NBEA: variants seen among roughly 807,000 people sequenced by gnomAD.
NBEA encodes the protein neurobeachin, also known as lysosomal-trafficking regulator 2.
A neutral mutation model predicts 343.4 loss-of-function variants in NBEA; 44 were observed. That is an observed-to-expected ratio of 0.13 (90% CI 0.10 to 0.16). The LOEUF (loss-of-function observed/expected upper bound fraction) is 0.16, where lower values mean the gene tolerates loss of function less well. NBEA is among the 10% of genes least tolerant of loss of function. NBEA has a pLI of 1.00. For missense variants in NBEA, 2,555 were observed against 3,631.3 expected, an observed-to-expected ratio of 0.70 and a Z score of 7.62; for synonymous variants, 1,175 against 1,238.7, an observed-to-expected ratio of 0.95 and a Z score of 1.08.
chr13:35,421,703 C>G (rs1206597881), intron 38 of NBEA, among the ~76,000 whole-genome samples: 1 of 152,016 alleles, frequency 6.6e-6, no homozygotes, highest in Non-Finnish European at 1.5e-5. Context: ...TTTAGACTAG[C>G]TCTGATGGCA....
At chr13:35,298,580 A>C (rs2036316931) in intron 35 of NBEA, among the ~76,000 whole-genome samples, 1 of 151,988 alleles carries the variant, frequency 6.6e-6, no homozygotes, top group Admixed American at 6.6e-5. Context: ...ATATACTCAT[A>C]GAATATGCTC....
At chr13:35,433,862 T>A (rs1217767828) in intron 39 of NBEA, among the ~76,000 whole-genome samples, 1 of 152,036 alleles carries the variant, frequency 6.6e-6, no homozygotes, top group Non-Finnish European at 1.5e-5. Flanking sequence ...CTTTATAATA[T>A]GATCTTAAAA....
At chr13:35,355,908 C>A (rs992044905) in intron 38 of NBEA, among the ~76,000 whole-genome samples, 3 of 151,750 alleles carry the variant, frequency 2.0e-5, no homozygotes, top group Non-Finnish European at 4.4e-5. Context: ...CACTTTTCAA[C>A]ATCTATTACT....
At chr13:35,336,810 TA>T (rs1248682751) in intron 36 of NBEA, among the ~76,000 whole-genome samples, 1 of 151,958 alleles carries the variant, frequency 6.6e-6, no homozygotes, top group Admixed American at 6.6e-5. Context: ...AAGTGGGAGC[TA>T]AACAATGAAA....
intron 49 of NBEA, among the ~76,000 whole-genome samples, chr13:35,638,136 A>G (rs2083782208): frequency 6.6e-6 from 1 of 152,186 alleles, no homozygotes; most frequent in African/African-American, 2.4e-5. Flanking sequence ...TTTGTTTAAT[A>G]AATATAGCGT....
chr13:35,614,510 G>A (rs1566411244), intron 48 of NBEA, among the ~76,000 whole-genome samples: 1 of 152,086 alleles, frequency 6.6e-6, no homozygotes, highest in East Asian at 1.9e-4. Context: ...ATTGTATCAA[G>A]CCCTTATTAT....
At chr13:35,478,108 A>G (rs772825249) in intron 41 of NBEA, among the ~76,000 whole-genome samples, 18 of 152,180 alleles carry the variant, frequency 1.2e-4, no homozygotes, top group Non-Finnish European at 2.2e-4. Flanking sequence ...TTTTAACAAG[A>G]TATTCTTCAG....
intron 38 of NBEA, 81 bp from the exon 39 acceptor site, chr13:35,432,188 T>G (rs188009156): frequency 8.0e-7 from 1 of 1,253,530 alleles, no homozygotes; most frequent in Non-Finnish European, 1.1e-6. Context: ...ACCAACAAAA[T>G]AACTTCAATT....
chr13:35,429,897 A>T (rs1031272148), intron 38 of NBEA, among the ~76,000 whole-genome samples: 3 of 150,668 alleles, frequency 2.0e-5, no homozygotes, highest in Admixed American at 1.3e-4. Flanking sequence ...GTATTTTTGC[A>T]ATTGCAAATT....
At chr13:35,355,828 A>G (rs558946118) in intron 38 of NBEA, among the ~76,000 whole-genome samples, 1 of 152,138 alleles carries the variant, frequency 6.6e-6, no homozygotes, top group South Asian at 2.1e-4. Context: ...CATCTCAAAA[A>G]AAAAATCATT....
intron 34 of NBEA, among the ~76,000 whole-genome samples, chr13:35,234,296 T>C (rs1268348814): frequency 6.6e-6 from 1 of 152,156 alleles, no homozygotes. Context: ...AGAAGAACCA[T>C]GCTAATTCAA....
intron 17 of NBEA, among the ~76,000 whole-genome samples, chr13:35,138,444 A>G (rs1222886052): frequency 6.6e-6 from 1 of 151,966 alleles, no homozygotes; most frequent in Non-Finnish European, 1.5e-5. Flanking sequence ...GTTAATGGAT[A>G]AAACAATTAT....
rs892108555 is a variant in NBEA at position 35,640,158 on chromosome 13, G to T, written c.7618-5711G>T. On this transcript the variant is annotated intron_variant, in intron 49 of 58. Transcript: ENST00000379939. Reference sequence around the variant, plus strand: ...AGTAGGAAGTCTTTTATATGAATAAGCAAATGTGCAACACATAAGCACACA... The same window carrying T: ...AGTAGGAAGTCTTTTATATGAATAATCAAATGTGCAACACATAAGCACACA... Among the ~76,000 whole-genome samples the T allele has an allele frequency of 3.9e-5, 6 of 152,140 alleles. No homozygotes were observed. In the South Asian group the frequency reaches 1.2e-3, roughly 31 times the overall value.
At chr13:35,595,921 T>C (rs962005823) in intron 47 of NBEA, among the ~76,000 whole-genome samples, 6 of 152,132 alleles carry the variant, frequency 3.9e-5, no homozygotes, top group Non-Finnish European at 5.9e-5. Flanking sequence ...ATTTTTCATG[T>C]ACTTATTGAC....
rs112827230 is a variant in NBEA at position 35,113,627 on chromosome 13, A to G, written c.2002+2649A>G. On this transcript the variant is annotated intron_variant, in intron 13 of 58. Coordinates refer to ENST00000379939, the MANE Select transcript of NBEA (RefSeq NM_001385012.1). ...TATCTATCTATCTATCTATCTATCT[A>G]TCTGTCTGTCTATCATCTTTTATAT... is the stretch of plus-strand genomic sequence containing the variant. Among the ~76,000 whole-genome samples, 553 of 150,712 alleles carry G rather than the reference A, an allele frequency of 3.7e-3. 4 individuals are homozygous for G. The highest frequency in any genetic ancestry group is 0.013 in the African/African-American group (519 of 41,134).
intron 41 of NBEA, among the ~76,000 whole-genome samples, chr13:35,490,882 C>G (rs1048872674): frequency 6.6e-6 from 1 of 151,904 alleles, no homozygotes; most frequent in Non-Finnish European, 1.5e-5. Flanking sequence ...AGATTTTCAT[C>G]TATGCCATCT....
chr13:35,386,682 A>G (rs12871016), intron 38 of NBEA, among the ~76,000 whole-genome samples: 30 of 152,318 alleles, frequency 2.0e-4, no homozygotes, highest in Non-Finnish European at 3.7e-4. Flanking sequence ...AGATTTAACA[A>G]TTAGTTTGTA....
At chr13:35,260,963 C>T (rs74048964) in intron 34 of NBEA, among the ~76,000 whole-genome samples, 6,990 of 152,154 alleles carry the variant, frequency 0.046, 172 homozygotes, top group African/African-American at 0.064. Flanking sequence ...CCTCAAATGA[C>T]CAAATTGTTT....
intron 36 of NBEA, among the ~76,000 whole-genome samples, chr13:35,331,776 A>C (rs550749739): frequency 5.1e-4 from 77 of 152,152 alleles, no homozygotes; most frequent in Non-Finnish European, 9.6e-4. Context: ...GTTATTAAAC[A>C]GAAAAGAATA....
Sources: allele counts gnomAD v4.1 joint callset (sites outside exome capture counted in the v4.1 genomes callset), GRCh38; gene constraint gnomAD v4.1.1; transcripts MANE v1.5; gene names NCBI Gene and HGNC (gene_info 2026-07-23, HGNC 2026-07-21).